The following F8 variants were observed in gnomAD, a reference collection of about 807,000 sequenced individuals.
The protein encoded by F8 is antihemophilic factor.
In F8, 12 loss-of-function variants were observed where a neutral mutation model predicts 140.6. The ratio of observed to expected loss-of-function variants is 0.09; its 90% CI spans 0.05 to 0.14. The LOEUF (loss-of-function observed/expected upper bound fraction) is 0.14. F8 is among the 10% of genes least tolerant of loss of function. The pLI is 1.00. For missense variants in F8, 1,354 were observed against 1,720.7 expected (o/e 0.79, Z 3.77); for synonymous variants, 585 against 614.6 (o/e 0.95, Z 0.71).
intron 9 of F8, among the ~76,000 whole-genome samples, chrX:154,964,191 T>C (rs1301931109): frequency 1.8e-5 from 2 of 111,689 alleles, no homozygotes; most frequent in Non-Finnish European, 3.8e-5. Flanking sequence ...GGGTTGGAAG[T>C]CCAAGAGGGA....
intron 1 of F8, among the ~76,000 whole-genome samples, chrX:155,000,616 A>T (rs1381216827): frequency 8.9e-6 from 1 of 112,045 alleles, no homozygotes; most frequent in Non-Finnish European, 1.9e-5. Flanking sequence ...TCATGTGTAG[A>T]TCTAAAATTG....
intron 1 of F8, among the ~76,000 whole-genome samples, chrX:155,003,482 T>C (rs1351990493): frequency 2.8e-5 from 3 of 106,390 alleles, no homozygotes; most frequent in African/African-American, 1.0e-4. Context: ...GCCCAGAATG[T>C]CCAAAAACTG....
intron 6 of F8, among the ~76,000 whole-genome samples, chrX:154,979,021 T>C (rs1569559921): frequency 9.0e-6 from 1 of 111,352 alleles, no homozygotes; most frequent in Non-Finnish European, 1.9e-5. Context: ...TGGTGGCATA[T>C]GATTGCACTG....
At chrX:154,972,617 T>A (rs1302670409) in intron 6 of F8, among the ~76,000 whole-genome samples, 5 of 110,755 alleles carry the variant, frequency 4.5e-5, no homozygotes, top group Admixed American at 9.6e-5. Flanking sequence ...CATGAAATGC[T>A]TACACTATGT....
chrX:154,920,078 G>C (rs1557277427), intron 14 of F8: 1 of 162,845 alleles, frequency 6.1e-6, no homozygotes, highest in African/African-American at 3.1e-5. Context: ...TGCAACACAA[G>C]CAAATCTTCT....
At chrX:154,844,617 C>A (rs1308121597) in intron 25 of F8, among the ~76,000 whole-genome samples, 1 of 110,934 alleles carries the variant, frequency 9.0e-6, no homozygotes, top group Non-Finnish European at 1.9e-5. Flanking sequence ...TATAAGAATG[C>A]TTGTGATTTT....
chrX:154,980,480 C>T (rs913460122), intron 6 of F8, among the ~76,000 whole-genome samples: 1 of 112,195 alleles, frequency 8.9e-6, no homozygotes, highest in Admixed American at 9.4e-5. Context: ...AGATCATTCA[C>T]CTGCATGTCT....
Position 154,931,106 on chromosome X carries a change from A to G in F8, c.2684T>C (p.Phe895Ser), listed in dbSNP as rs1557278785. Reference protein sequence around the residue: ...TAATELKKLDFKVSSTSNNLI... With the variant: ...TAATELKKLDSKVSSTSNNLI... Reference sequence around the variant, plus strand: ...ATTATTTGATGTACTAGAAACTTTGAAATCAAGTTTCTTCAACTCTGTTGC... The same window carrying G: ...ATTATTTGATGTACTAGAAACTTTGGAATCAAGTTTCTTCAACTCTGTTGC... Residue 895 changes from phenylalanine to serine, a missense_variant, in exon 14 of 26, where the codon TTC becomes TCC. Phe to Ser is a radical substitution (Grantham distance 155, BLOSUM62 -2). Coordinates refer to ENST00000360256, the MANE Select transcript of F8 (RefSeq NM_000132.4). 8.3e-7 allele frequency: 1 copy of G among 1,205,768 alleles called. No homozygotes were observed. The highest frequency in any genetic ancestry group is 2.2e-5 in the Admixed American group (1 of 44,828).
rs1474788295 is a variant in F8 at position 154,875,774 on chromosome X, T to TAG, written c.6430-12549_6430-12548dup. Among the ~76,000 whole-genome samples, 655 of 95,621 alleles carry TAG rather than the reference T, an allele frequency of 6.8e-3. 5 individuals are homozygous for TAG. The highest frequency in any genetic ancestry group is 0.025 in the African/African-American group (623 of 24,629). The allele number at this position is 95,621 out of a possible 115,157, so 83.0% of individuals were successfully genotyped here. ...GTGTGTGTGTGTGTGTGTGTGTGTG[T>TAG]AGAGAGAGAGAGAGTCTATAATGTG... On this transcript the variant is annotated intron_variant, in intron 22 of 25. Transcript: ENST00000360256.
intron 6 of F8, among the ~76,000 whole-genome samples, chrX:154,974,801 T>G (rs1330081925): frequency 8.9e-6 from 1 of 111,950 alleles, no homozygotes; most frequent in Non-Finnish European, 1.9e-5. Context: ...CCATTTTTTC[T>G]TGATTCAACC....
chrX:154,959,987 T>C (rs1358697409), intron 10 of F8, among the ~76,000 whole-genome samples: 3 of 112,078 alleles, frequency 2.7e-5, no homozygotes, highest in East Asian at 2.8e-4. Flanking sequence ...TTTAGTTTTG[T>C]AAAAGTAAAG....
At chrX:154,860,731 G>A (rs2072684504) in intron 24 of F8, 123 bp from the exon 25 acceptor site, 3 of 664,859 alleles carry the variant, frequency 4.5e-6, no homozygotes, top group Non-Finnish European at 7.2e-6. Context: ...ACGGAGTCTT[G>A]CTCTGTCACC....
intron 13 of F8, among the ~76,000 whole-genome samples, chrX:154,933,759 A>G (rs2073210011): frequency 8.9e-6 from 1 of 112,616 alleles, no homozygotes; most frequent in African/African-American, 3.2e-5. Flanking sequence ...ATATCTTGCC[A>G]TACTAAAACA....
chrX:154,994,290 C>A (rs2073605354), intron 3 of F8, among the ~76,000 whole-genome samples: 1 of 112,159 alleles, frequency 8.9e-6, no homozygotes, highest in Non-Finnish European at 1.9e-5. Context: ...TGATAGTCCA[C>A]TCCTATATAC....
At chrX:154,864,846 A>AT in intron 22 of F8, among the ~76,000 whole-genome samples, 1 of 111,460 alleles carries the variant, frequency 9.0e-6, no homozygotes, top group Admixed American at 9.6e-5. Context: ...CAGAGGACTT[A>AT]TGGGACATCA....
chrX:154,893,427 T>C (rs186358797), intron 22 of F8, among the ~76,000 whole-genome samples: 34 of 112,557 alleles, frequency 3.0e-4, no homozygotes, highest in African/African-American at 1.0e-3. Flanking sequence ...AGAAACATCC[T>C]GAAAGAGAGA....
intron 11 of F8, among the ~76,000 whole-genome samples, chrX:154,955,802 G>A (rs782669039): frequency 1.1e-4 from 12 of 111,687 alleles, no homozygotes; most frequent in Middle Eastern, 4.6e-3. Flanking sequence ...AAGGTAGGGC[G>A]AAATTAGAAT....
intron 22 of F8, 117 bp downstream of exon 22, chrX:154,895,960 G>T: frequency 1.3e-6 from 1 of 763,936 alleles, no homozygotes; most frequent in Non-Finnish European, 2.0e-6. Context: ...GCTCATAAGT[G>T]AAAAATTATT....
At chrX:154,837,839 T>C in intron 25 of F8, 87 bp from the exon 26 acceptor site, 3 of 938,634 alleles carry the variant, frequency 3.2e-6, no homozygotes, top group Non-Finnish European at 4.6e-6. Context: ...TTCTAGTTGT[T>C]TCCAGTAGTC....
Sources: gnomAD v4.1 joint callset for allele counts (sites outside exome capture counted in the v4.1 genomes callset) on GRCh38, gnomAD v4.1.1 for gene constraint, MANE v1.5 for transcripts, NCBI Gene and HGNC (gene_info 2026-07-23, HGNC 2026-07-21) for gene names.